The following ARHGAP32 variants were observed in gnomAD, a reference collection of about 807,000 sequenced individuals.
The protein encoded by ARHGAP32 is Rho GTPase activating protein 32, also known as rho GTPase-activating protein 32.
ARHGAP32 carries 51 observed loss-of-function variants against 186.5 expected under a neutral mutation model. The observed-to-expected ratio is 0.27, with a 90% CI of 0.22 to 0.35. The LOEUF (loss-of-function observed/expected upper bound fraction) is 0.35. Among genes scored for constraint, ARHGAP32 ranks in the 10% least tolerant of loss-of-function variants. The pLI is 1.00. For missense variants in ARHGAP32, 2,186 were observed against 2,623.5 expected, an observed-to-expected ratio of 0.83 and a Z score of 3.64; for synonymous variants, 950 against 964.3, an observed-to-expected ratio of 0.99 and a Z score of 0.27.
intron 1 of ARHGAP32, among the ~76,000 whole-genome samples, chr11:129,274,834 G>A (rs868226609): frequency 6.6e-6 from 1 of 150,736 alleles, no homozygotes. Context: ...GAAGACTTTA[G>A]AGTACATATA....
In ARHGAP32 at chr11:129,227,909, T is replaced by C. The variant is rs1044908856; in HGVS notation, c.-5+51237A>G. Among the ~76,000 whole-genome samples the C allele has an allele frequency of 3.9e-5, 6 of 152,148 alleles. No individual in the cohort carries two copies. In the East Asian group the frequency reaches 1.2e-3, roughly 29 times the overall value. ...CCTAACAGACACCTACAGGGTATTTTACCCAACAACAATAATATATACATT... is the reference window on the plus strand; with the variant it reads ...CCTAACAGACACCTACAGGGTATTTCACCCAACAACAATAATATATACATT... On this transcript the variant is annotated intron_variant, in intron 1 of 6. Coordinates refer to the ARHGAP32 transcript ENST00000525234.
At chr11:129,021,288 T>G (rs1938581357) in intron 11 of ARHGAP32, among the ~76,000 whole-genome samples, 2 of 152,042 alleles carry the variant, frequency 1.3e-5, no homozygotes, top group Admixed American at 6.6e-5. Flanking sequence ...AACAATTCAC[T>G]GAGAGAAAGA....
chr11:129,081,385 C>A (rs187871250), intron 6 of ARHGAP32, among the ~76,000 whole-genome samples: 8 of 152,022 alleles, frequency 5.3e-5, no homozygotes, highest in Non-Finnish European at 1.0e-4. Context: ...TAACTGAATC[C>A]AAGAGAATAT....
At chr11:129,035,096 C>T (rs572231962) in intron 11 of ARHGAP32, among the ~76,000 whole-genome samples, 18 of 152,206 alleles carry the variant, frequency 1.2e-4, no homozygotes, top group African/African-American at 3.9e-4. Flanking sequence ...CCTCATCTTC[C>T]ACTATATCAT....
chr11:129,219,490 T>C (rs1353963466), intron 1 of ARHGAP32, among the ~76,000 whole-genome samples: 1 of 152,174 alleles, frequency 6.6e-6, no homozygotes, highest in African/African-American at 2.4e-5. Flanking sequence ...TTTGGCTGTT[T>C]CTGAGATCTG....
chr11:129,131,427 A>G (rs1942806814), intron 2 of ARHGAP32, among the ~76,000 whole-genome samples: 1 of 152,220 alleles, frequency 6.6e-6, no homozygotes, highest in Non-Finnish European at 1.5e-5. Context: ...AATATTCCAT[A>G]GAACTGAAAA....
chr11:129,217,692 T>C (rs1255145055), intron 1 of ARHGAP32, among the ~76,000 whole-genome samples: 1 of 152,166 alleles, frequency 6.6e-6, no homozygotes, highest in Non-Finnish European at 1.5e-5. Flanking sequence ...TTCTGAAGAT[T>C]TTTATTTAAG....
chr11:129,180,782 T>C (rs924398084), intron 1 of ARHGAP32, among the ~76,000 whole-genome samples: 3 of 152,130 alleles, frequency 2.0e-5, no homozygotes, highest in Non-Finnish European at 2.9e-5. Context: ...CTGTAAAACA[T>C]CTTCAGACTT....
intron 12 of ARHGAP32, among the ~76,000 whole-genome samples, chr11:128,993,618 A>C (rs972503069): frequency 3.3e-5 from 5 of 151,930 alleles, no homozygotes; most frequent in South Asian, 2.1e-4. Context: ...AATAGTCTCT[A>C]TATATATTTG....
intron 1 of ARHGAP32, among the ~76,000 whole-genome samples, chr11:129,185,351 G>C (rs1591682042): frequency 6.6e-6 from 1 of 152,158 alleles, no homozygotes; most frequent in Non-Finnish European, 1.5e-5. Flanking sequence ...CTATCACAAG[G>C]ACAAAAAACC....
intron 1 of ARHGAP32, among the ~76,000 whole-genome samples, chr11:129,172,111 C>A (rs1443524834): frequency 6.6e-6 from 1 of 152,128 alleles, no homozygotes; most frequent in East Asian, 1.9e-4. Flanking sequence ...ATGTCATCTG[C>A]AAACAGAGAC....
intron 11 of ARHGAP32, among the ~76,000 whole-genome samples, chr11:128,998,688 T>C (rs1237592736): frequency 6.6e-6 from 1 of 152,210 alleles, no homozygotes; most frequent in Admixed American, 6.5e-5. Flanking sequence ...GTCAGGGACC[T>C]TGAATGGAGG....
In ARHGAP32 at chr11:128,967,856, C is replaced by T. The variant is rs904050561; in HGVS notation, c.*1051G>A. The T allele has an allele frequency of 6.8e-6, 1 of 147,880 alleles. No individual in the cohort carries two copies. Among genetic ancestry groups the T allele is most frequent in the East Asian group, 2.0e-4 (1 of 4,976 alleles). 9.2% of individuals were successfully genotyped at this position (147,880 alleles called of 1,614,324 possible). A position where few individuals can be genotyped will look rare whatever the true frequency, so the allele number is the denominator to read the frequency against. On this transcript the variant is annotated 3_prime_UTR_variant, in exon 23 of 23. Coordinates refer to ENST00000682385, the MANE Select transcript of ARHGAP32 (RefSeq NM_001378024.1). Reference sequence around the variant, plus strand: ...GGGACCTCGTACTCTGGTTTAGGAACAGAAACAAACATGGAAATTTATATT... The same window carrying T: ...GGGACCTCGTACTCTGGTTTAGGAATAGAAACAAACATGGAAATTTATATT...
At chr11:129,003,085 C>T (rs920471150) in intron 11 of ARHGAP32, among the ~76,000 whole-genome samples, 2 of 152,110 alleles carry the variant, frequency 1.3e-5, no homozygotes, top group Non-Finnish European at 2.9e-5. Context: ...CGTGAGCCAC[C>T]GTGCCCGGCC....
At chr11:129,085,647 A>T (rs554089641) in intron 6 of ARHGAP32, among the ~76,000 whole-genome samples, 5 of 152,268 alleles carry the variant, frequency 3.3e-5, no homozygotes, top group Admixed American at 1.3e-4. Flanking sequence ...AACCAAGACA[A>T]CACTGAAAGA....
intron 2 of ARHGAP32, among the ~76,000 whole-genome samples, chr11:129,138,502 C>CA (rs1942984656): frequency 6.6e-6 from 1 of 151,884 alleles, no homozygotes; most frequent in African/African-American, 2.4e-5. Flanking sequence ...TTTCCTAATC[C>CA]AAAAAAATAT....
Position 129,092,216 on chromosome 11 carries a change from T to TA in ARHGAP32, c.531+1404dup, listed in dbSNP as rs564501487. 3.2e-3 allele frequency among the ~76,000 whole-genome samples: 482 copies of TA among 152,052 alleles called. 2 individuals are homozygous for TA. Among genetic ancestry groups the TA allele is most frequent in the African/African-American group, 0.01 (434 of 41,524 alleles). On this transcript the variant is annotated intron_variant, in intron 6 of 22. Coordinates refer to ENST00000682385, the MANE Select transcript of ARHGAP32 (RefSeq NM_001378024.1). ...CATGCTTGCCTTCTGAAGGTCATTTTAAAAAACAGCACAGATTTTTTTTTA... is the reference window on the plus strand; with the variant it reads ...CATGCTTGCCTTCTGAAGGTCATTTTAAAAAAACAGCACAGATTTTTTTTTA...
intron 1 of ARHGAP32, among the ~76,000 whole-genome samples, chr11:129,234,271 T>C (rs1054661616): frequency 4.6e-5 from 7 of 152,106 alleles, no homozygotes; most frequent in African/African-American, 1.2e-4. Flanking sequence ...CAGTTAAATA[T>C]TGATCTGAAA....
At chr11:129,211,311 T>C (rs989048312) in intron 1 of ARHGAP32, among the ~76,000 whole-genome samples, 5 of 152,182 alleles carry the variant, frequency 3.3e-5, no homozygotes, top group Non-Finnish European at 7.3e-5. Flanking sequence ...TTCTAGTATA[T>C]GATGGTTACA....
Sources: allele counts gnomAD v4.1 joint callset (sites outside exome capture counted in the v4.1 genomes callset), GRCh38; gene constraint gnomAD v4.1.1; transcripts MANE v1.5; gene names NCBI Gene and HGNC (gene_info 2026-07-23, HGNC 2026-07-21).